IFI44L: variants seen among roughly 807,000 people sequenced by gnomAD.
IFI44L encodes the protein interferon induced protein 44 like.
A neutral mutation model predicts 39.3 loss-of-function variants in IFI44L; 40 were observed. The ratio of observed to expected loss-of-function variants is 1.02; its 90% CI spans 0.79 to 1.33. The LOEUF is 1.33. IFI44L is among the 40% of genes most tolerant of loss of function. IFI44L has a pLI of 0.00. For missense variants in IFI44L, 623 were observed against 549.0 expected, an observed-to-expected ratio of 1.13 and a Z score of -1.35; for synonymous variants, 198 against 182.3, an observed-to-expected ratio of 1.09 and a Z score of -0.69.
chr1:78,626,367 A>G (rs1185567783), intron 1 of IFI44L: 1 of 152,056 alleles, frequency 6.6e-6, no homozygotes, highest in East Asian at 1.9e-4. Context: ...TAACTCCAGT[A>G]TAAGTATGTG....
At chr1:78,640,872 G>T (rs1167354712) in intron 6 of IFI44L, 149 bp from the exon 7 acceptor site, 6 of 520,738 alleles carry the variant, frequency 1.2e-5, no homozygotes, top group East Asian at 3.1e-5. Flanking sequence ...CTCTAGAAAA[G>T]CTTCAGGCTC....
chr1:78,626,920 AT>A (rs1490290296), intron 1 of IFI44L: 1 of 151,950 alleles, frequency 6.6e-6, no homozygotes, highest in Non-Finnish European at 1.5e-5. Flanking sequence ...GCTCCCACTT[AT>A]AAGTGAGAGC....
At chr1:78,621,308 A>G (rs1652265374) in intron 1 of IFI44L, among the ~76,000 whole-genome samples, 1 of 152,094 alleles carries the variant, frequency 6.6e-6, no homozygotes, top group African/African-American at 2.4e-5. Flanking sequence ...GTCTCACTCT[A>G]TTGCCCAGGC....
chr1:78,641,606 A>C lies in IFI44L; in HGVS notation c.1321A>C (p.Thr441Pro). The stretch of plus-strand genomic sequence containing the variant: ...TTTAGAAGATTTGCCTCTTGAGGAA[A>C]CTGGTAATCTGGCCCTTTTCTCCCC... ...DFLEDLPLEETGAIERALQPC... is the reference protein window; with the variant it reads ...DFLEDLPLEEPGAIERALQPC... The change falls in exon 8 of 9, where the codon ACT becomes CCT. Residue 441 changes from threonine to proline, a missense_variant. By Grantham distance (38) the Thr-to-Pro change is conservative (BLOSUM62 -1). Transcript: ENST00000370751. The C allele has an allele frequency of 6.2e-7, 1 of 1,613,232 alleles. No individual in the cohort carries two copies. Among genetic ancestry groups the C allele is most frequent in the Non-Finnish European group, 8.5e-7 (1 of 1,179,340 alleles).
rs959972450 is a variant in IFI44L, at chr1:78,645,422, C to T, written c.*3613C>T. ...GTTACTGTGCTGGGTAATGTGTAAA[C>T]TTGTGTCTTGTTTAGAAAGATAAAT... On this transcript the variant is annotated 3_prime_UTR_variant, in exon 9 of 9. Transcript: ENST00000370751. 4.6e-5 allele frequency: 7 copies of T among 152,164 alleles called. No homozygotes were observed. Among genetic ancestry groups the T allele is most frequent in the Non-Finnish European group, 1.0e-4 (7 of 68,036 alleles). The allele number at this position is 152,164 out of a possible 1,614,324, so 9.4% of individuals were successfully genotyped here.
rs896575454 is a variant in IFI44L, at chr1:78,628,363, T to C, written c.448T>C (p.Tyr150His). The change falls in exon 2 of 9, where the codon TAT becomes CAT. Residue 150 changes from tyrosine to histidine, a missense_variant. Coordinates refer to ENST00000370751, the MANE Select transcript of IFI44L (RefSeq NM_006820.4). ...ACTAAGGTTTTATGGCCACCGTCAGTATTTGGAATGTGAAGTTTTTCGAGT... is the reference window on the plus strand; with the variant it reads ...ACTAAGGTTTTATGGCCACCGTCAGCATTTGGAATGTGAAGTTTTTCGAGT... Reference protein sequence around the residue: ...LKLRFYGHRQYLECEVFRVEG... With the variant: ...LKLRFYGHRQHLECEVFRVEG... The C allele has an allele frequency of 1.3e-6, 2 of 1,573,748 alleles. No individual in the cohort carries two copies. The highest frequency in any genetic ancestry group is 1.7e-6 in the Non-Finnish European group (2 of 1,163,448).
At chr1:78,641,636 C>A in intron 8 of IFI44L, 27 bp downstream of exon 8, 1 of 1,612,268 alleles carries the variant, frequency 6.2e-7, no homozygotes, top group South Asian at 1.1e-5. Flanking sequence ...CTCCCCCTGT[C>A]ATAGATCACT....
At chr1:78,635,741 GT>G in intron 5 of IFI44L, 1 of 482,718 alleles carries the variant, frequency 2.1e-6, no homozygotes, top group Non-Finnish European at 3.6e-6. Context: ...CAAGGAGATA[GT>G]GTGTTTTTAT....
chr1:78,629,852 T>G lies in IFI44L; in HGVS notation c.660T>G (p.Ile220Met). Residue 220 changes from isoleucine (I) to methionine (M), a missense_variant, in exon 4 of 9, where the codon ATT becomes ATG. By Grantham distance (10) the Ile-to-Met change is conservative. Coordinates refer to ENST00000370751, the MANE Select transcript of IFI44L (RefSeq NM_006820.4). ...KSSFFNSVKS[I>M]FHGHVTGQAV... ...GTTTTTTCAATTCAGTCAAGTCTAT[T>G]TTTCATGGCCATGTGACTGGCCAAG... 6.2e-7 allele frequency: 1 copy of G among 1,613,824 alleles called. No individual in the cohort carries two copies. The highest frequency in any genetic ancestry group is 1.7e-5 in the Admixed American group (1 of 59,972).
chr1:78,630,656 G>A (rs956910169), intron 4 of IFI44L, among the ~76,000 whole-genome samples: 3 of 152,120 alleles, frequency 2.0e-5, no homozygotes, highest in African/African-American at 4.8e-5. Flanking sequence ...GGAATATGCT[G>A]TGTATTATCA....
chr1:78,634,930 A>G (rs1652884203), intron 4 of IFI44L, among the ~76,000 whole-genome samples: 1 of 151,750 alleles, frequency 6.6e-6, no homozygotes, highest in Non-Finnish European at 1.5e-5. Flanking sequence ...TAAGCACAAA[A>G]CAAATACTGA....
chr1:78,645,588 T>A lies in IFI44L; in HGVS notation c.*3779T>A, dbSNP rs1375672068. ...AATAATCATCTCCTAGCAACATAACTCAATCTAATGCTAAGGTACCCACAA... is the reference window on the plus strand; with the variant it reads ...AATAATCATCTCCTAGCAACATAACACAATCTAATGCTAAGGTACCCACAA... On this transcript the variant is annotated 3_prime_UTR_variant, in exon 9 of 9. Coordinates refer to ENST00000370751, the MANE Select transcript of IFI44L (RefSeq NM_006820.4). The A allele has an allele frequency of 6.6e-6, 1 of 152,124 alleles. No homozygotes were observed. The highest frequency in any genetic ancestry group is 2.4e-5 in the African/African-American group (1 of 41,426). The allele number at this position is 152,124 out of a possible 1,614,324, so 9.4% of individuals were successfully genotyped here.
chr1:78,624,755 C>T (rs1652421187), intron 1 of IFI44L, among the ~76,000 whole-genome samples: 1 of 152,108 alleles, frequency 6.6e-6, no homozygotes, highest in South Asian at 2.1e-4. Flanking sequence ...TATTTAGGTG[C>T]TCTGATGTTG....
Position 78,641,495 on chromosome 1 carries a change from T to C in IFI44L, c.1210T>C (p.Tyr404His). The C allele has an allele frequency of 6.2e-7, 1 of 1,613,662 alleles. No homozygotes were observed. Among genetic ancestry groups the C allele is most frequent in the South Asian group, 1.1e-5 (1 of 91,076 alleles). Reference sequence around the variant, plus strand: ...TTCCAATATTTTGATGGTTGGAAATTATGCTTCAGATTTGGAACTGGACCC... The same window carrying C: ...TTCCAATATTTTGATGGTTGGAAATCATGCTTCAGATTTGGAACTGGACCC... ...PISNILMVGN[Y>H]ASDLELDPMK... The change falls in exon 8 of 9, where the codon TAT becomes CAT. Residue 404 changes from tyrosine to histidine, a missense_variant. By Grantham distance (83) the Tyr-to-His change is moderately conservative (BLOSUM62 2). Coordinates refer to ENST00000370751, the MANE Select transcript of IFI44L (RefSeq NM_006820.4).
At chr1:78,627,576 T>C (rs992118544) in intron 1 of IFI44L, 1 of 161,590 alleles carries the variant, frequency 6.2e-6, no homozygotes, top group East Asian at 1.7e-4. Flanking sequence ...GAAGAGACCA[T>C]ATGGCCTACA....
chr1:78,640,627 A>G (rs1467663296), intron 6 of IFI44L, among the ~76,000 whole-genome samples: 1 of 152,116 alleles, frequency 6.6e-6, no homozygotes, highest in African/African-American at 2.4e-5. Context: ...TCCCTATTAG[A>G]ACTGTGAAAT....
At chr1:78,621,715 A>G (rs1022991598) in intron 1 of IFI44L, among the ~76,000 whole-genome samples, 1 of 152,022 alleles carries the variant, frequency 6.6e-6, no homozygotes, top group Non-Finnish European at 1.5e-5. Context: ...ATAATTTGTT[A>G]AAATTACTTC....
chr1:78,639,199 T>C (rs1653062832), intron 6 of IFI44L, among the ~76,000 whole-genome samples: 1 of 152,026 alleles, frequency 6.6e-6, no homozygotes. Context: ...AAGTCTAGGA[T>C]CCCCAAGTAG....
Position 78,635,336 on chromosome 1 carries a change from G to A in IFI44L, c.724-1G>A. Reference sequence around the variant, plus strand: ...TTACACTTAATGTATTTTTTTAACAGTATAGGATATATTCTGTTAAAGATG... The same window carrying A: ...TTACACTTAATGTATTTTTTTAACAATATAGGATATATTCTGTTAAAGATG... On this transcript the variant is annotated splice_acceptor_variant, in intron 4 of 8. Transcript: ENST00000370751. LOFTEE classifies it high-confidence loss of function. 6.3e-7 allele frequency: 1 copy of A among 1,587,274 alleles called. No homozygotes were observed. The highest frequency in any genetic ancestry group is 8.6e-7 in the Non-Finnish European group (1 of 1,156,440).
Sources: allele counts gnomAD v4.1 joint callset (sites outside exome capture counted in the v4.1 genomes callset), GRCh38; gene constraint gnomAD v4.1.1; transcripts MANE v1.5; gene names NCBI Gene and HGNC (gene_info 2026-07-23, HGNC 2026-07-21).